Variants in CFH observed in about 807,000 individuals in gnomAD.
CFH encodes the protein H factor 1 (complement).
A neutral mutation model predicts 147.3 loss-of-function variants in CFH; 53 were observed. That is an observed-to-expected ratio of 0.36 (90% CI 0.29 to 0.45). The LOEUF is 0.45. CFH is among the 20% of genes least tolerant of loss of function. The probability of loss-of-function intolerance (pLI) is 1.00; values close to 1 mark genes in which losing one functional copy is unlikely to be tolerated. For missense variants in CFH, 1,380 were observed against 1,498.0 expected, an observed-to-expected ratio of 0.92 and a Z score of 1.30; for synonymous variants, 536 against 489.4, an observed-to-expected ratio of 1.10 and a Z score of -1.26.
intron 20 of CFH, among the ~76,000 whole-genome samples, chr1:196,744,923 G>A (rs1439736216): frequency 6.6e-6 from 1 of 152,026 alleles, no homozygotes; most frequent in Non-Finnish European, 1.5e-5. Flanking sequence ...GAGAATGTCT[G>A]TATTGATCCC....
At position 196,742,063 on chromosome 1, in the gene CFH, A is replaced by G. The variant is rs774360487; in HGVS notation, c.3133+12A>G. 6.2e-7 allele frequency: 1 copy of G among 1,613,436 alleles called. No individual in the cohort carries two copies. The highest frequency in any genetic ancestry group is 1.7e-5 in the Admixed American group (1 of 60,018). On this transcript the variant is annotated intron_variant, in intron 19 of 21. Coordinates refer to ENST00000367429, the MANE Select transcript of CFH (RefSeq NM_000186.4). The stretch of plus-strand genomic sequence containing the variant: ...GCCAACATGCAGAGGTACTTTGGTG[A>G]ATTTTCAAAATTTATTTATATAATG...
chr1:196,728,737 A>G lies in CFH; in HGVS notation c.2413+215A>G, dbSNP rs200057268. 2.9e-4 allele frequency among the ~76,000 whole-genome samples: 28 copies of G among 95,152 alleles called. No homozygotes were observed. In the East Asian group the frequency reaches 4.6e-3, roughly 16 times the overall value. The allele number at this position is 95,152 out of a possible 152,430, so 62.4% of individuals were successfully genotyped here. On this transcript the variant is annotated intron_variant, in intron 15 of 21. Coordinates refer to ENST00000367429, the MANE Select transcript of CFH (RefSeq NM_000186.4). ...TAAACACACACACACACACACGCAC[A>G]CACACACACACACACACACACATAA... is the stretch of plus-strand genomic sequence containing the variant.
At chr1:196,718,081 G>A (rs1358410361) in intron 11 of CFH, among the ~76,000 whole-genome samples, 1 of 152,060 alleles carries the variant, frequency 6.6e-6, no homozygotes, top group East Asian at 1.9e-4. Context: ...CATTGTAGAT[G>A]AAAGGCAGTG....
rs764322323 is a variant in CFH, at chr1:196,729,745, T to C, written c.2413+1223T>C. 2.0e-5 allele frequency among the ~76,000 whole-genome samples: 3 copies of C among 152,028 alleles called. No individual in the cohort carries two copies. In the East Asian group the frequency reaches 5.8e-4, roughly 29 times the overall value. ...GGATTTTCTTTGATGGGAAACATTTTATTACTGACTTAATCTGTTGCCTCA... is the reference window on the plus strand; with the variant it reads ...GGATTTTCTTTGATGGGAAACATTTCATTACTGACTTAATCTGTTGCCTCA... On this transcript the variant is annotated intron_variant, in intron 15 of 21. Transcript: ENST00000367429.
intron 9 of CFH, among the ~76,000 whole-genome samples, chr1:196,695,719 C>T (rs962294795): frequency 3.9e-5 from 6 of 152,026 alleles, no homozygotes; most frequent in Admixed American, 6.6e-5. Flanking sequence ...AGAGTTCCTT[C>T]GCATCCCTTG....
chr1:196,692,744 CTTTT>C lies in CFH; in HGVS notation c.1336+2507_1336+2510del, dbSNP rs1553275212. On this transcript the variant is annotated intron_variant, in intron 9 of 21. Transcript: ENST00000367429. ...TCTTTCTTTCTCTTTCCCTTCCTTTCTTTTTCTTTCTTTCTTTCTTTCTTTCTTT... is the reference window on the plus strand; with the variant it reads ...TCTTTCTTTCTCTTTCCCTTCCTTTCTCTTTCTTTCTTTCTTTCTTTCTTT... Among the ~76,000 whole-genome samples the C allele has an allele frequency of 1.3e-4, 17 of 131,544 alleles. 1 individual carries two copies. Among genetic ancestry groups the C allele is most frequent in the South Asian group, 7.2e-4 (3 of 4,180 alleles). 86.3% of individuals were successfully genotyped at this position (131,544 alleles called of 152,430 possible). A position where few individuals can be genotyped will look rare whatever the true frequency, so the allele number is the denominator to read the frequency against.
At chr1:196,682,667 A>T (rs1008590732) in intron 6 of CFH, among the ~76,000 whole-genome samples, 6 of 151,588 alleles carry the variant, frequency 4.0e-5, no homozygotes, top group Non-Finnish European at 7.4e-5. Flanking sequence ...GAATGAAGTG[A>T]CAGAAAAAAA....
chr1:196,702,378 T>A (rs1320114104), intron 9 of CFH, among the ~76,000 whole-genome samples: 4 of 152,170 alleles, frequency 2.6e-5, no homozygotes, highest in Non-Finnish European at 5.9e-5. Flanking sequence ...CCATAACAAC[T>A]GCTTACAGGA....
chr1:196,690,166 T>A lies in CFH; in HGVS notation c.1263T>A (p.Ala421=). 1 of 1,613,462 alleles carries A rather than the reference T, an allele frequency of 6.2e-7. No individual in the cohort carries two copies. The highest frequency in any genetic ancestry group is 8.5e-7 in the Non-Finnish European group (1 of 1,179,676). ...SIDVACHPGY[A]LPKAQTTVTC... is the part of the protein sequence containing the mutation. ...ACGTTGCCTGCCATCCTGGCTACGC[T>A]CTTCCAAAAGCGCAGACCACAGTTA... The change falls in exon 9 of 22, where the codon GCT becomes GCA. Residue 421 remains alanine (A), a synonymous_variant. Transcript: ENST00000367429.
intron 7 of CFH, among the ~76,000 whole-genome samples, chr1:196,687,751 A>G (rs964229848): frequency 6.6e-6 from 1 of 152,102 alleles, no homozygotes; most frequent in African/African-American, 2.4e-5. Context: ...CAAATCTTTA[A>G]AAAGTGGTGA....
intron 19 of CFH, among the ~76,000 whole-genome samples, chr1:196,742,258 C>A (rs1242894491): frequency 6.6e-6 from 1 of 152,084 alleles, no homozygotes; most frequent in Non-Finnish European, 1.5e-5. Context: ...CATCTGAAGT[C>A]CCAGCTACTT....
intron 9 of CFH, among the ~76,000 whole-genome samples, chr1:196,713,365 A>G (rs1308458046): frequency 1.3e-5 from 2 of 152,150 alleles, no homozygotes; most frequent in African/African-American, 4.8e-5. Context: ...GCTAAATGAG[A>G]TTTGGAATTG....
chr1:196,726,442 C>T (rs1351128248), intron 12 of CFH, 28 bp from the exon 13 acceptor site: 2 of 1,524,726 alleles, frequency 1.3e-6, no homozygotes, highest in African/African-American at 2.7e-5. Context: ...ACAATTTAAC[C>T]ATTATTTACA....
chr1:196,735,349 C>T (rs1669375758), intron 15 of CFH, among the ~76,000 whole-genome samples: 1 of 152,098 alleles, frequency 6.6e-6, no homozygotes, highest in Non-Finnish European at 1.5e-5. Context: ...TTGCTCAGCA[C>T]ATAGTCTACC....
chr1:196,694,210 G>T (rs1263119924), intron 9 of CFH, among the ~76,000 whole-genome samples: 1 of 151,984 alleles, frequency 6.6e-6, no homozygotes, highest in African/African-American at 2.4e-5. Flanking sequence ...CTATGTCCAT[G>T]TGTTCTCATT....
At chr1:196,737,027 T>C (rs1669421914) in intron 16 of CFH, 21 bp downstream of exon 16, 2 of 1,593,456 alleles carry the variant, frequency 1.3e-6, no homozygotes, top group Non-Finnish European at 1.7e-6. Flanking sequence ...TATAATTTGT[T>C]TTACATAATT....
At chr1:196,656,808 A>C (rs1380455651) in intron 1 of CFH, among the ~76,000 whole-genome samples, 1 of 152,002 alleles carries the variant, frequency 6.6e-6, no homozygotes, top group Non-Finnish European at 1.5e-5. Flanking sequence ...TACACATTTC[A>C]AGAAAGTTGT....
rs1322520942 is a variant in CFH at position 196,726,836 on chromosome 1, A to T, written c.2132A>T (p.Tyr711Phe). 6.2e-7 allele frequency: 1 copy of T among 1,613,532 alleles called. No homozygotes were observed. Among genetic ancestry groups the T allele is most frequent in the South Asian group, 1.1e-5 (1 of 91,076 alleles). The change falls in exon 14 of 22, where the codon TAT becomes TTT. Residue 711 changes from tyrosine to phenylalanine, a missense_variant. Transcript: ENST00000367429. Reference sequence around the variant, plus strand: ...CAGCTTTCTTCCCCTCCTTATTACTATGGAGATTCAGTGGAATTCAATTGC... The same window carrying T: ...CAGCTTTCTTCCCCTCCTTATTACTTTGGAGATTCAGTGGAATTCAATTGC... The part of the protein sequence containing the change: ...WAQLSSPPYY[Y>F]GDSVEFNCSE...
intron 9 of CFH, among the ~76,000 whole-genome samples, chr1:196,709,619 C>A (rs868662259): frequency 6.6e-5 from 10 of 152,220 alleles, no homozygotes; most frequent in Middle Eastern, 3.4e-3. Context: ...GCAGTAATCA[C>A]TAAATCAGCT....
Sources: allele counts gnomAD v4.1 joint callset (sites outside exome capture counted in the v4.1 genomes callset), GRCh38; gene constraint gnomAD v4.1.1; transcripts MANE v1.5; gene names NCBI Gene and HGNC (gene_info 2026-07-23, HGNC 2026-07-21).